Variants in PLEK2 observed in about 807,000 individuals in gnomAD.
PLEK2 encodes the protein pleckstrin-2.
In PLEK2, 29 loss-of-function variants were observed where a neutral mutation model predicts 43.8. The ratio of observed to expected loss-of-function variants is 0.66; its 90% CI spans 0.49 to 0.90. The LOEUF is 0.90. PLEK2 is among the 40% of genes least tolerant of loss of function. The probability of loss-of-function intolerance (pLI) is 0.00; values close to 1 mark genes in which losing one functional copy is unlikely to be tolerated. For synonymous variants in PLEK2, 162 were observed against 173.2 expected (o/e 0.94, Z 0.51); for missense variants, 398 against 448.1 (o/e 0.89, Z 1.01).
intron 7 of PLEK2, among the ~76,000 whole-genome samples, chr14:67,390,303 G>T (rs2085956961): frequency 6.6e-6 from 1 of 152,188 alleles, no homozygotes; most frequent in African/African-American, 2.4e-5. Flanking sequence ...ATCTTTGAAT[G>T]GAAAGTGTGG....
intron 1 of PLEK2, 137 bp downstream of exon 1, chr14:67,411,881 C>T: frequency 6.6e-6 from 5 of 752,238 alleles, no homozygotes; most frequent in South Asian, 4.0e-5. Flanking sequence ...GGGCCACAGG[C>T]GGCCCGGTCC....
intron 7 of PLEK2, among the ~76,000 whole-genome samples, chr14:67,388,690 T>C (rs1187253180): frequency 1.3e-5 from 2 of 152,068 alleles, no homozygotes; most frequent in Non-Finnish European, 2.9e-5. Flanking sequence ...AATCATTTCT[T>C]TTTTTTTGAG....
At chr14:67,403,173 T>C (rs1228280571) in intron 1 of PLEK2, among the ~76,000 whole-genome samples, 1 of 152,244 alleles carries the variant, frequency 6.6e-6, no homozygotes, top group Non-Finnish European at 1.5e-5. Flanking sequence ...TGATAATCAA[T>C]GGTGTTGAGC....
intron 1 of PLEK2, among the ~76,000 whole-genome samples, chr14:67,402,325 GTACA>G (rs2086053941): frequency 1.3e-5 from 2 of 151,818 alleles, no homozygotes; most frequent in Admixed American, 6.6e-5. Flanking sequence ...TATACATGGG[GTACA>G]TGAGCTATTT....
At chr14:67,408,560 G>C (rs1283126105) in intron 1 of PLEK2, among the ~76,000 whole-genome samples, 1 of 152,090 alleles carries the variant, frequency 6.6e-6, no homozygotes, top group Non-Finnish European at 1.5e-5. Flanking sequence ...CTTATAGGAA[G>C]AGGAAAATTT....
chr14:67,388,337 G>A (rs1369349423), intron 7 of PLEK2, 35 bp from the exon 8 acceptor site: 4 of 1,372,490 alleles, frequency 2.9e-6, no homozygotes, highest in Non-Finnish European at 4.2e-6. Flanking sequence ...AGGAATTTGT[G>A]AATGAACAAA....
At chr14:67,392,498 G>A in intron 5 of PLEK2, 71 bp from the exon 6 acceptor site, 1 of 1,334,506 alleles carries the variant, frequency 7.5e-7, no homozygotes, top group Non-Finnish European at 1.1e-6. Flanking sequence ...GGCTGTCAGA[G>A]GGGAAAGGAA....
At chr14:67,408,605 C>T (rs747842533) in intron 1 of PLEK2, among the ~76,000 whole-genome samples, 5 of 152,032 alleles carry the variant, frequency 3.3e-5, no homozygotes, top group East Asian at 1.9e-4. Flanking sequence ...AGGATGGTCA[C>T]GTGACAACAG....
At chr14:67,393,307 T>C (rs1174543079) in intron 3 of PLEK2, 66 bp from the exon 4 acceptor site, 2 of 1,051,470 alleles carry the variant, frequency 1.9e-6, no homozygotes, top group Non-Finnish European at 3.0e-6. Flanking sequence ...GGGAGGGTCC[T>C]GAGTCACTGC....
chr14:67,392,185 G>C, intron 6 of PLEK2, 141 bp downstream of exon 6: 1 of 659,190 alleles, frequency 1.5e-6, no homozygotes, highest in South Asian at 1.7e-5. Flanking sequence ...CTGGAGGCTG[G>C]TGCTGGGCTC....
intron 3 of PLEK2, among the ~76,000 whole-genome samples, chr14:67,394,565 T>C (rs753450867): frequency 5.9e-5 from 9 of 151,910 alleles, no homozygotes; most frequent in Non-Finnish European, 1.0e-4. Context: ...CCTAGACCCA[T>C]AGGAGGTGTA....
At chr14:67,406,651 C>T (rs145615078) in intron 1 of PLEK2, among the ~76,000 whole-genome samples, 2 of 152,118 alleles carry the variant, frequency 1.3e-5, no homozygotes, top group South Asian at 2.1e-4. Flanking sequence ...CCTATCACTC[C>T]GAACACAGCA....
In PLEK2 at chr14:67,387,394, A is replaced by G; in HGVS notation, c.997T>C (p.Tyr333His). ...TCAGCCTTGCTGCTGGCCTGAATGT[A>G]ATAGTGTGTGTCATCCTTAGTAATC... ...KVITKDDTHYYIQASSKAERA... is the reference protein window; with the variant it reads ...KVITKDDTHYHIQASSKAERA... The change falls in exon 9 of 9, where the codon TAC becomes CAC. Residue 333 changes from tyrosine to histidine, a missense_variant. Physicochemically the swap from Tyr to His is moderately conservative, Grantham distance 83. Transcript: ENST00000216446. The G allele has an allele frequency of 6.2e-7, 1 of 1,611,226 alleles. No homozygotes were observed. Among genetic ancestry groups the G allele is most frequent in the African/African-American group, 1.3e-5 (1 of 74,878 alleles).
At chr14:67,393,272 A>AC (rs1386666471) in intron 3 of PLEK2, 31 bp from the exon 4 acceptor site, 1 of 1,494,300 alleles carries the variant, frequency 6.7e-7, no homozygotes, top group Non-Finnish European at 9.3e-7. Flanking sequence ...AGGAGAGGGA[A>AC]CCCTCATCAC....
chr14:67,387,238 GAAGTCAA>G lies in PLEK2; in HGVS notation c.*84_*90del. 3.9e-6 allele frequency: 5 copies of G among 1,277,138 alleles called. No individual in the cohort carries two copies. Among genetic ancestry groups the G allele is most frequent in the African/African-American group, 1.5e-5 (1 of 65,514 alleles). 79.1% of individuals were successfully genotyped at this position (1,277,138 alleles called of 1,614,324 possible). On this transcript the variant is annotated 3_prime_UTR_variant, in exon 9 of 9. Transcript: ENST00000216446. ...TCCAAAGCAGTACAAAACTTACAAA[GAAGTCAA>G]AAGTCTTAACACTCCCATTCTCCAG...
rs1268108585 is a variant in PLEK2, at chr14:67,393,159, T to C, written c.472A>G (p.Thr158Ala). 3 of 1,611,560 alleles carry C rather than the reference T, an allele frequency of 1.9e-6. No individual in the cohort carries two copies. The highest frequency in any genetic ancestry group is 1.3e-5 in the African/African-American group (1 of 74,842). ...NMEQGSTYKK[T>A]FLGSSLVDWL... Reference sequence around the variant, plus strand: ...TGGGGGACAGGCTCACCGAGGAAGGTCTTTTTATAGGTGCTTCCCTGCTCC... The same window carrying C: ...TGGGGGACAGGCTCACCGAGGAAGGCCTTTTTATAGGTGCTTCCCTGCTCC... Residue 158 changes from threonine to alanine, a missense_variant, in exon 4 of 9, where the codon ACC becomes GCC. Thr to Ala is a moderately conservative substitution (Grantham distance 58, BLOSUM62 0). Transcript: ENST00000216446.
intron 3 of PLEK2, among the ~76,000 whole-genome samples, chr14:67,394,456 C>A (rs765911979): frequency 1.2e-4 from 19 of 152,136 alleles, no homozygotes; most frequent in Non-Finnish European, 2.4e-4. Context: ...TCTCTGTGAT[C>A]CCCTGCATTA....
rs781069936 is a variant in PLEK2, at chr14:67,390,764, TTCAAAGC to T, written c.772-25_772-19del. The T allele has an allele frequency of 2.6e-6, 4 of 1,566,110 alleles. No homozygotes were observed. Among genetic ancestry groups the T allele is most frequent in the Non-Finnish European group, 3.5e-6 (4 of 1,136,382 alleles). ...TTGTGTCCCTGAGGCAAAGAAATGG[TTCAAAGC>T]TCATTGGTGACAGCTGCATGTCCCT... On this transcript the variant is annotated intron_variant, in intron 6 of 8. Coordinates refer to ENST00000216446, the MANE Select transcript of PLEK2 (RefSeq NM_016445.3).
Position 67,395,504 on chromosome 14 carries a change from G to A in PLEK2, c.287C>T (p.Ala96Val). The A allele has an allele frequency of 6.2e-7, 1 of 1,613,998 alleles. No homozygotes were observed. Among genetic ancestry groups the A allele is most frequent in the Non-Finnish European group, 8.5e-7 (1 of 1,179,896 alleles). Residue 96 changes from alanine (A) to valine (V), a missense_variant, in exon 3 of 9, where the codon GCC becomes GTC. Ala to Val is a moderately conservative substitution (Grantham distance 64, BLOSUM62 0). Coordinates refer to ENST00000216446, the MANE Select transcript of PLEK2 (RefSeq NM_016445.3). ...ATGAATAGCCCCGGTGATCTCAAAG[G>A]CCCAGGCATCCCGCTCCTCTCGAGA... ...ACSREERDAW[A>V]FEITGAIHAG...
Sources: gnomAD v4.1 joint callset for allele counts (sites outside exome capture counted in the v4.1 genomes callset) on GRCh38, gnomAD v4.1.1 for gene constraint, MANE v1.5 for transcripts, NCBI Gene and HGNC (gene_info 2026-07-23, HGNC 2026-07-21) for gene names.